The following SYNJ2 variants were observed in gnomAD, a reference collection of about 807,000 sequenced individuals.
The protein encoded by SYNJ2 is synaptojanin 2.
Under a neutral mutation model 141.3 loss-of-function variants are expected in SYNJ2, and 116 were observed. The ratio of observed to expected loss-of-function variants is 0.82; its 90% CI spans 0.71 to 0.96. SYNJ2 has a LOEUF of 0.96. Ranked by LOEUF, SYNJ2 falls within the 40% of genes least tolerant of loss-of-function variation. The pLI is 0.00. For missense variants in SYNJ2, 1,873 were observed against 1,934.8 expected, an observed-to-expected ratio of 0.97 and a Z score of 0.60; for synonymous variants, 745 against 777.7, an observed-to-expected ratio of 0.96 and a Z score of 0.70.
intron 1 of SYNJ2, among the ~76,000 whole-genome samples, chr6:158,015,306 C>T (rs867087500): frequency 2.6e-5 from 4 of 152,140 alleles, no homozygotes; most frequent in Admixed American, 1.3e-4. Flanking sequence ...GAATCCTTTT[C>T]GGCTGCTTAA....
At chr6:158,048,345 T>C (rs1780370030) in intron 5 of SYNJ2, among the ~76,000 whole-genome samples, 1 of 152,116 alleles carries the variant, frequency 6.6e-6, no homozygotes. Flanking sequence ...GTGCAGGTGT[T>C]GTAACCCTTG....
At chr6:158,089,383 G>A (rs917181450) in intron 24 of SYNJ2, among the ~76,000 whole-genome samples, 2 of 152,062 alleles carry the variant, frequency 1.3e-5, no homozygotes, top group African/African-American at 4.8e-5. Context: ...GTGCTTGTGC[G>A]GCCCCAGCAG....
intron 25 of SYNJ2, among the ~76,000 whole-genome samples, chr6:158,090,245 T>C (rs1037885617): frequency 7.2e-5 from 11 of 152,226 alleles, no homozygotes; most frequent in African/African-American, 1.9e-4. Context: ...GCTGCCGGCA[T>C]GAAGTCATTC....
intron 1 of SYNJ2, among the ~76,000 whole-genome samples, chr6:157,996,868 T>C (rs1777650607): frequency 6.6e-6 from 1 of 152,216 alleles, no homozygotes; most frequent in Non-Finnish European, 1.5e-5. Flanking sequence ...AAGCAGATGC[T>C]GCCATGCTTC....
intron 1 of SYNJ2, among the ~76,000 whole-genome samples, chr6:157,993,797 G>T (rs1394477763): frequency 2.1e-5 from 1 of 47,966 alleles, no homozygotes; most frequent in Non-Finnish European, 3.7e-5. Flanking sequence ...AAATGTGTGG[G>T]TTTTTTTTTT....
At chr6:157,985,518 G>A (rs574514242) in intron 1 of SYNJ2, among the ~76,000 whole-genome samples, 80 of 152,320 alleles carry the variant, frequency 5.3e-4, no homozygotes, top group African/African-American at 1.8e-3. Flanking sequence ...GGGAAGCCCC[G>A]TAGCCGGTAC....
intron 2 of SYNJ2, among the ~76,000 whole-genome samples, chr6:158,021,715 G>C (rs1243202925): frequency 1.3e-5 from 2 of 152,244 alleles, no homozygotes; most frequent in East Asian, 3.8e-4. Context: ...TTCAGAAGGA[G>C]GATTCCCTGG....
intron 4 of SYNJ2, among the ~76,000 whole-genome samples, chr6:158,038,500 G>T (rs1779759172): frequency 6.6e-6 from 1 of 152,202 alleles, no homozygotes; most frequent in Non-Finnish European, 1.5e-5. Context: ...TTGGTTGGGT[G>T]CCTATGTTTC....
chr6:158,081,301 G>A lies in SYNJ2; in HGVS notation c.2760G>A (p.Gly920=), dbSNP rs145934254. ...DLRTELMQTL[G]SYGTIVLVRI... ...GTACTGAGCTCATGCAGACCTTGGG[G>A]AGTTATGGGACAATTGTTCTTGTCA... Residue 920 remains glycine, a synonymous_variant, in exon 19 of 27, where the codon GGG becomes GGA. Coordinates refer to ENST00000355585, the MANE Select transcript of SYNJ2 (RefSeq NM_003898.4). 5.2e-4 allele frequency: 840 copies of A among 1,614,186 alleles called. 3 individuals carry two copies. Among genetic ancestry groups the A allele is most frequent in the South Asian group, 1.2e-3 (112 of 91,084 alleles).
chr6:158,051,228 A>G (rs1416797636), intron 5 of SYNJ2, among the ~76,000 whole-genome samples: 1 of 152,122 alleles, frequency 6.6e-6, no homozygotes, highest in Non-Finnish European at 1.5e-5. Context: ...GAATGATCCT[A>G]TAAACAGCTG....
At chr6:158,059,547 ATTTCT>A (rs1781080348) in intron 7 of SYNJ2, 194 bp downstream of exon 7, 6 of 1,329,446 alleles carry the variant, frequency 4.5e-6, no homozygotes, top group African/African-American at 1.5e-5. Flanking sequence ...AGTGAGTGTA[ATTTCT>A]TTTCTTTTTT....
At position 158,078,238 on chromosome 6, in the gene SYNJ2, C is replaced by T. The variant is rs758332483; in HGVS notation, c.2524C>T (p.Leu842=). The T allele has an allele frequency of 3.1e-6, 5 of 1,614,002 alleles. No homozygotes were observed. The East Asian group carries it at 6.7e-5, about 22-fold the overall frequency. ...CAGACACACCTGGTCTCCTGGTGCC[C>T]TGCAGTATTATGGTCGTGCGGAGCT... ...KVRHTWSPGA[L]QYYGRAELQA... Residue 842 remains leucine (L), a synonymous_variant, in exon 18 of 27, where the codon CTG becomes TTG. Coordinates refer to ENST00000355585, the MANE Select transcript of SYNJ2 (RefSeq NM_003898.4).
chr6:158,061,755 G>T (rs1781233214), intron 7 of SYNJ2, among the ~76,000 whole-genome samples: 1 of 152,174 alleles, frequency 6.6e-6, no homozygotes, highest in African/African-American at 2.4e-5. Context: ...TTTGCTCAAG[G>T]GGGACCTTCT....
intron 7 of SYNJ2, among the ~76,000 whole-genome samples, chr6:158,060,657 C>T (rs1233959675): frequency 6.6e-6 from 1 of 152,168 alleles, no homozygotes; most frequent in Non-Finnish European, 1.5e-5. Flanking sequence ...GAAGTGTCTC[C>T]CTTCCCACCC....
In SYNJ2 at chr6:158,081,415, A is replaced by G. The variant is rs1209792055; in HGVS notation, c.2787-17A>G. The G allele has an allele frequency of 1.2e-6, 2 of 1,613,632 alleles. No homozygotes were observed. The highest frequency in any genetic ancestry group is 8.5e-7 in the Non-Finnish European group (1 of 1,179,814). On this transcript the variant is annotated splice_polypyrimidine_tract_variant and intron_variant, in intron 19 of 26. Coordinates refer to ENST00000355585, the MANE Select transcript of SYNJ2 (RefSeq NM_003898.4). ...CAGGTCGTTCTTGGCATTGACTTGG[A>G]GTATCATTTATTCCAGGATCAACCA...
In SYNJ2 at chr6:158,040,381, C is replaced by T. The variant is rs911538688; in HGVS notation, c.712-2935C>T. Among the ~76,000 whole-genome samples the T allele has an allele frequency of 6.6e-6, 1 of 152,100 alleles. No homozygotes were observed. Among genetic ancestry groups the T allele is most frequent in the Non-Finnish European group, 1.5e-5 (1 of 68,022 alleles). ...TGTATGTGTTGTGTGTCTGCACGCA[C>T]AGATGTTGTGTACATGTGTAGATAG... On this transcript the variant is annotated intron_variant, in intron 4 of 26. Coordinates refer to ENST00000355585, the MANE Select transcript of SYNJ2 (RefSeq NM_003898.4). The surrounding 1 kb of genome is among the most constrained non-coding windows in gnomAD (Gnocchi z 4.2).
intron 2 of SYNJ2, 117 bp downstream of exon 2, chr6:158,017,407 T>C (rs1350198004): frequency 3.2e-5 from 6 of 188,258 alleles, no homozygotes; most frequent in African/African-American, 5.2e-4. Flanking sequence ...TCTCTCTTCT[T>C]TTTTTTTTTT....
chr6:158,001,821 T>G (rs1186906336), intron 1 of SYNJ2: 2 of 152,310 alleles, frequency 1.3e-5, no homozygotes, highest in East Asian at 3.9e-4. Flanking sequence ...AAGACCTCGC[T>G]CCCGCAGTTT....
chr6:158,004,287 A>G (rs1453116153), intron 1 of SYNJ2, among the ~76,000 whole-genome samples: 2 of 152,204 alleles, frequency 1.3e-5, no homozygotes, highest in Non-Finnish European at 2.9e-5. Flanking sequence ...CACAAGATAC[A>G]GGTCATAAAG....
Sources: allele counts gnomAD v4.1 joint callset (sites outside exome capture counted in the v4.1 genomes callset), GRCh38; gene constraint gnomAD v4.1.1; non-coding constraint Gnocchi (gnomAD v3.1); transcripts MANE v1.5; gene names NCBI Gene and HGNC (gene_info 2026-07-23, HGNC 2026-07-21).